Variants in OTOGL observed in about 807,000 individuals in gnomAD.
OTOGL encodes otogelin like.
A neutral mutation model predicts 318.5 loss-of-function variants in OTOGL; 285 were observed. The observed-to-expected ratio is 0.89, with a 90% CI of 0.81 to 0.99. OTOGL has a LOEUF of 0.99. Ranked by LOEUF, OTOGL falls within the 50% of genes least tolerant of loss-of-function variation. The pLI, the probability that OTOGL is intolerant of heterozygous loss-of-function variation, is 0.00. For synonymous variants in OTOGL, 987 were observed against 936.5 expected (o/e 1.05, Z -0.99); for missense variants, 2,899 against 2,845.6 (o/e 1.02, Z -0.43).
intron 34 of OTOGL, among the ~76,000 whole-genome samples, chr12:80,323,099 C>G (rs1479660232): frequency 9.7e-4 from 1 of 1,036 alleles, no homozygotes; most frequent in Non-Finnish European, 6.0e-3. Context: ...AAACCCACTA[C>G]ACACACACAC....
chr12:80,227,146 C>T (rs1476748131), intron 7 of OTOGL, among the ~76,000 whole-genome samples: 1 of 152,036 alleles, frequency 6.6e-6, no homozygotes, highest in African/African-American at 2.4e-5. Context: ...GCCTATTTTC[C>T]ACTTTTTTCC....
intron 56 of OTOGL, among the ~76,000 whole-genome samples, chr12:80,371,624 A>G (rs2138098097): frequency 6.6e-6 from 1 of 152,294 alleles, no homozygotes; most frequent in Middle Eastern, 3.4e-3. Context: ...TACAATTTTA[A>G]CATTCAGTTA....
intron 37 of OTOGL, 96 bp from the exon 38 acceptor site, chr12:80,332,908 TC>T: frequency 3.2e-6 from 3 of 931,448 alleles, no homozygotes; most frequent in Middle Eastern, 2.9e-4. Context: ...TGTGAAATAA[TC>T]TATACAAAAT....
intron 1 of OTOGL, among the ~76,000 whole-genome samples, chr12:80,138,143 C>T (rs902398714): frequency 2.0e-5 from 3 of 151,996 alleles, no homozygotes; most frequent in African/African-American, 7.3e-5. Context: ...GCTTTTGAAT[C>T]AGAATGAACG....
intron 19 of OTOGL, among the ~76,000 whole-genome samples, chr12:80,262,401 CAG>C (rs1882619461): frequency 6.6e-6 from 1 of 152,080 alleles, no homozygotes; most frequent in East Asian, 1.9e-4. Context: ...TGGGAGTTTT[CAG>C]AGTCTTTAAA....
At chr12:80,371,914 T>A in intron 56 of OTOGL, 105 bp from the exon 57 acceptor site, 1 of 581,384 alleles carries the variant, frequency 1.7e-6, no homozygotes, top group Non-Finnish European at 2.7e-6. Flanking sequence ...GAAGGCTTTG[T>A]GGTATTTGAT....
rs781120716 is a variant in OTOGL at position 80,265,197 on chromosome 12, G to C, written c.2211G>C (p.Gln737His). Residue 737 changes from glutamine (Q) to histidine (H), a missense_variant, in exon 20 of 59, where the codon CAG becomes CAC. Coordinates refer to ENST00000547103, the MANE Select transcript of OTOGL (RefSeq NM_001378609.3). ...GTGTTCCCATTGATTTCAGAACTCA[G>C]ATTTCTTTCTGTGGTGAGTACAATG... ...QHGVPIDFRT[Q>H]ISFCAVVCQK... The C allele has an allele frequency of 1.5e-5, 24 of 1,613,404 alleles. No individual in the cohort carries two copies. Among genetic ancestry groups the C allele is most frequent in the Non-Finnish European group, 1.9e-5 (22 of 1,179,654 alleles).
chr12:80,189,486 C>G, intron 1 of OTOGL: 4 of 981,052 alleles, frequency 4.1e-6, no homozygotes, highest in Non-Finnish European at 4.8e-6. Flanking sequence ...CTTCTCCTGC[C>G]CCCTTTAGCA....
intron 1 of OTOGL, among the ~76,000 whole-genome samples, chr12:80,102,501 G>A (rs531119286): frequency 2.6e-4 from 39 of 152,180 alleles, no homozygotes; most frequent in African/African-American, 8.2e-4. Flanking sequence ...ACCAAGTCCC[G>A]TTGATTTTAG....
At chr12:80,342,274 A>C in intron 44 of OTOGL, 112 bp downstream of exon 44, 1 of 756,068 alleles carries the variant, frequency 1.3e-6, no homozygotes, top group Non-Finnish European at 2.1e-6. Flanking sequence ...AAAACCCCCA[A>C]CCTTCTGTCA....
At chr12:80,131,470 T>C (rs757009194) in intron 1 of OTOGL, among the ~76,000 whole-genome samples, 3 of 152,198 alleles carry the variant, frequency 2.0e-5, no homozygotes, top group Non-Finnish European at 2.9e-5. Context: ...GCACACAGCC[T>C]GTACAAAATA....
rs1358607 is a variant in OTOGL at position 80,151,351 on chromosome 12, A to G, written c.-20+51746A>G. On this transcript the variant is annotated intron_variant, in intron 1 of 58. Coordinates refer to ENST00000547103, the MANE Select transcript of OTOGL (RefSeq NM_001378609.3). ...CCGCAGAGTCACAGCTCAAACAGGT[A>G]TGCTTTAACCACACAATCTAAAGTA... 4.3e-3 allele frequency among the ~76,000 whole-genome samples: 654 copies of G among 152,338 alleles called. 6 individuals carry two copies. The highest frequency in any genetic ancestry group is 0.015 in the African/African-American group (614 of 41,576).
chr12:80,296,347 A>G (rs1885394548), intron 26 of OTOGL, among the ~76,000 whole-genome samples: 1 of 152,212 alleles, frequency 6.6e-6, no homozygotes, highest in Non-Finnish European at 1.5e-5. Flanking sequence ...ATTCAAACCA[A>G]GCTCTCAAAT....
At chr12:80,308,754 T>A (rs978835606) in intron 29 of OTOGL, among the ~76,000 whole-genome samples, 7 of 152,174 alleles carry the variant, frequency 4.6e-5, no homozygotes, top group African/African-American at 1.7e-4. Flanking sequence ...CACTCGCGGT[T>A]AGGAGCTGGA....
intron 1 of OTOGL, among the ~76,000 whole-genome samples, chr12:80,128,202 G>A (rs1157686438): frequency 1.3e-5 from 2 of 152,156 alleles, no homozygotes; most frequent in Admixed American, 1.3e-4. Context: ...TGATGGTGAT[G>A]TACAGATGGG....
chr12:80,143,631 G>A (rs7294395), intron 1 of OTOGL, among the ~76,000 whole-genome samples: 85,863 of 151,920 alleles, frequency 0.57, 25,565 homozygotes, highest in African/African-American at 0.77. Flanking sequence ...GCCCCAGGCT[G>A]TGGAGTGCTC....
chr12:80,174,134 T>C (rs1874380275), intron 1 of OTOGL, among the ~76,000 whole-genome samples: 1 of 152,098 alleles, frequency 6.6e-6, no homozygotes, highest in Admixed American at 6.6e-5. Context: ...TGATTTGGAG[T>C]CTCTAGCTGA....
In OTOGL at chr12:80,301,972, CCTT is replaced by C. The variant is rs1379622637; in HGVS notation, c.3064-657_3064-655del. Among the ~76,000 whole-genome samples, 6 of 152,298 alleles carry C rather than the reference CCTT, an allele frequency of 3.9e-5. No homozygotes were observed. The East Asian group carries it at 1.2e-3, about 29-fold the overall frequency. On this transcript the variant is annotated intron_variant, in intron 27 of 58. Coordinates refer to ENST00000547103, the MANE Select transcript of OTOGL (RefSeq NM_001378609.3). ...AGCAAAACTAGCTGAATTTCTTTTC[CCTT>C]CTTCACAATTTCACAGATAGAAGAT...
At chr12:80,351,100 C>G (rs1006308090) in intron 44 of OTOGL, among the ~76,000 whole-genome samples, 1 of 152,122 alleles carries the variant, frequency 6.6e-6, no homozygotes, top group African/African-American at 2.4e-5. Flanking sequence ...AATTAAGGAT[C>G]TAATGTCATT....
Sources: allele counts gnomAD v4.1 joint callset (sites outside exome capture counted in the v4.1 genomes callset), GRCh38; gene constraint gnomAD v4.1.1; transcripts MANE v1.5; gene names NCBI Gene and HGNC (gene_info 2026-07-23, HGNC 2026-07-21).